The following TBC1D8 variants were observed in gnomAD, a reference collection of about 807,000 sequenced individuals.
TBC1D8 encodes BUB2-like protein 1.
A neutral mutation model predicts 118.8 loss-of-function variants in TBC1D8; 65 were observed. The ratio of observed to expected loss-of-function variants is 0.55; its 90% CI spans 0.45 to 0.67. The LOEUF (loss-of-function observed/expected upper bound fraction) is 0.67. Among genes scored for constraint, TBC1D8 ranks in the 30% least tolerant of loss-of-function variants. The pLI, the probability that TBC1D8 is intolerant of heterozygous loss-of-function variation, is 0.00. For synonymous variants in TBC1D8, 566 were observed against 595.8 expected (o/e 0.95, Z 0.73); for missense variants, 1,376 against 1,471.2 (o/e 0.94, Z 1.06).
At chr2:101,149,306 A>G (rs1331818561) in intron 1 of TBC1D8, among the ~76,000 whole-genome samples, 2 of 152,204 alleles carry the variant, frequency 1.3e-5, no homozygotes, top group African/African-American at 4.8e-5. Flanking sequence ...AGTTCATCAC[A>G]GAGACTCTGG....
intron 1 of TBC1D8, among the ~76,000 whole-genome samples, chr2:101,149,471 TTTCCAGAGCAGCGAGCAGA>T (rs1279435960): frequency 2.6e-5 from 4 of 152,182 alleles, no homozygotes; most frequent in African/African-American, 4.8e-5. Context: ...CTCGGGCCTC[TTTCCAGAGCAGCGAGCAGA>T]GTATCCTACA....
chr2:101,071,624 G>T (rs1166659716), intron 2 of TBC1D8, among the ~76,000 whole-genome samples: 1 of 152,160 alleles, frequency 6.6e-6, no homozygotes, highest in African/African-American at 2.4e-5. Context: ...GTCTAGATCA[G>T]AGTAGTAAAC....
In TBC1D8 at chr2:101,102,315, G is replaced by T. The variant is rs537299704; in HGVS notation, c.128-11951C>A. The stretch of plus-strand genomic sequence containing the variant: ...CTAAGAATACAAAAATTAGCAAGGC[G>T]TTGTGGCCGGTGCCTGTAATCCCAG... On this transcript the variant is annotated intron_variant, in intron 1 of 19. Coordinates refer to ENST00000409318, the MANE Select transcript of TBC1D8 (RefSeq NM_001330348.2). Among the ~76,000 whole-genome samples the T allele has an allele frequency of 2.6e-5, 4 of 152,150 alleles. No individual in the cohort carries two copies. In the East Asian group the frequency reaches 7.8e-4, roughly 30 times the overall value.
intron 1 of TBC1D8, among the ~76,000 whole-genome samples, chr2:101,118,806 G>A (rs984308613): frequency 4.0e-5 from 6 of 151,870 alleles, no homozygotes; most frequent in Admixed American, 6.6e-5. Context: ...CCACGAGTTC[G>A]AGACCAGACC....
chr2:101,028,038 T>G lies in TBC1D8; in HGVS notation c.2451+10A>C, dbSNP rs755338151. ...ACCGTGATCACCGGGGTGAGGCGTC[T>G]GCTACCCACCACGTTCTGCTTTGTG... On this transcript the variant is annotated intron_variant, in intron 14 of 19. Transcript: ENST00000409318. The G allele has an allele frequency of 7.4e-6, 12 of 1,613,646 alleles. No homozygotes were observed. The highest frequency in any genetic ancestry group is 1.7e-5 in the Admixed American group (1 of 59,996).
intron 19 of TBC1D8, among the ~76,000 whole-genome samples, chr2:101,009,036 A>G (rs1056617560): frequency 6.6e-6 from 1 of 152,128 alleles, no homozygotes; most frequent in African/African-American, 2.4e-5. Context: ...AATTGAGAAT[A>G]CGTAATGTGA....
chr2:101,148,132 G>A (rs756644703), intron 1 of TBC1D8, among the ~76,000 whole-genome samples: 53 of 152,102 alleles, frequency 3.5e-4, no homozygotes, highest in Non-Finnish European at 6.9e-4. Context: ...CTCAAAAGAG[G>A]GAGCTACAAA....
chr2:101,134,170 T>TTC (rs34487679), intron 1 of TBC1D8, among the ~76,000 whole-genome samples: 66 of 126,318 alleles, frequency 5.2e-4, no homozygotes, highest in African/African-American at 9.0e-4. Flanking sequence ...TCTCTTCTCT[T>TTC]TCTCTCTCTC....
chr2:101,140,443 G>A (rs958555684), intron 1 of TBC1D8, among the ~76,000 whole-genome samples: 4 of 152,072 alleles, frequency 2.6e-5, no homozygotes, highest in African/African-American at 7.2e-5. Context: ...ACACACAGGC[G>A]TCCGGGGAAA....
intron 17 of TBC1D8, chr2:101,018,941 C>G: frequency 6.3e-7 from 1 of 1,590,668 alleles, no homozygotes; most frequent in East Asian, 2.3e-5. Context: ...CTGGAATGCT[C>G]TTCGTCTGTG....
chr2:101,023,374 G>C (rs965959740), intron 15 of TBC1D8, among the ~76,000 whole-genome samples: 1 of 151,868 alleles, frequency 6.6e-6, no homozygotes, highest in Non-Finnish European at 1.5e-5. Context: ...TCGAACTCTT[G>C]ACCTTGGGTG....
chr2:101,090,180 T>G (rs550771704), intron 2 of TBC1D8, 29 bp downstream of exon 2: 1 of 1,598,402 alleles, frequency 6.3e-7, no homozygotes, highest in Non-Finnish European at 8.5e-7. Flanking sequence ...CCTTAAGGTT[T>G]GGAACATTCC....
At chr2:101,096,222 C>T (rs968016892) in intron 1 of TBC1D8, among the ~76,000 whole-genome samples, 1 of 151,918 alleles carries the variant, frequency 6.6e-6, no homozygotes, top group African/African-American at 2.4e-5. Context: ...CAGTGCTCAG[C>T]CAAGGAGTTC....
chr2:101,016,516 C>T (rs1330458088), intron 17 of TBC1D8, among the ~76,000 whole-genome samples: 5 of 152,108 alleles, frequency 3.3e-5, no homozygotes, highest in African/African-American at 4.8e-5. Context: ...GTCAGTGTGG[C>T]GATTCCTCAG....
intron 17 of TBC1D8, among the ~76,000 whole-genome samples, chr2:101,020,051 C>CCA (rs1284960093): frequency 1.4e-5 from 2 of 148,052 alleles, no homozygotes; most frequent in African/African-American, 5.0e-5. Flanking sequence ...CCAGCCTGGG[C>CCA]CACAGAGCGA....
At chr2:101,131,001 C>T (rs1678567488) in intron 1 of TBC1D8, among the ~76,000 whole-genome samples, 1 of 152,212 alleles carries the variant, frequency 6.6e-6, no homozygotes, top group Non-Finnish European at 1.5e-5. Context: ...TCAAATAATA[C>T]ACAACCTGCC....
chr2:101,112,071 C>T (rs977287051), intron 1 of TBC1D8, among the ~76,000 whole-genome samples: 18 of 152,282 alleles, frequency 1.2e-4, no homozygotes, highest in African/African-American at 3.4e-4. Flanking sequence ...CCACATTGCT[C>T]ACCCCTGACA....
chr2:101,021,712 A>G lies in TBC1D8; in HGVS notation c.2796T>C (p.Ile932=). Residue 932 remains isoleucine (I), a synonymous_variant, in exon 17 of 20, where the codon ATT becomes ATC. Transcript: ENST00000409318. The part of the protein sequence containing the change: ...IMYNGEMNEK[I]KLLYRLHIPP... ...GGATATGAAGCCTGTATAATAGTTT[A>G]ATCTTCTCATTCATTTCTCCATTAT... 6.3e-7 allele frequency: 1 copy of G among 1,599,632 alleles called. No individual in the cohort carries two copies. Among genetic ancestry groups the G allele is most frequent in the Middle Eastern group, 1.7e-4 (1 of 6,038 alleles).
chr2:101,011,585 T>C (rs766730671), intron 17 of TBC1D8, 45 bp from the exon 18 acceptor site: 9 of 1,598,344 alleles, frequency 5.6e-6, no homozygotes, highest in Non-Finnish European at 7.7e-6. Flanking sequence ...TTTTCTGCCT[T>C]ACCAAAACTG....
Sources: allele counts gnomAD v4.1 joint callset (sites outside exome capture counted in the v4.1 genomes callset), GRCh38; gene constraint gnomAD v4.1.1; transcripts MANE v1.5; gene names NCBI Gene and HGNC (gene_info 2026-07-23, HGNC 2026-07-21).